The following FMN1 variants were observed in gnomAD, a reference collection of about 807,000 sequenced individuals.
FMN1 encodes formin 1.
FMN1 carries 110 observed loss-of-function variants against 132.4 expected under a neutral mutation model. The ratio of observed to expected loss-of-function variants is 0.83; its 90% CI spans 0.71 to 0.97. The LOEUF is 0.97. Ranked by LOEUF, FMN1 falls within the 50% of genes least tolerant of loss-of-function variation. FMN1 has a pLI of 0.00. For synonymous variants in FMN1, 722 were observed against 651.7 expected (o/e 1.11, Z -1.64); for missense variants, 1,792 against 1,705.3 (o/e 1.05, Z -0.90).
intron 17 of FMN1, among the ~76,000 whole-genome samples, chr15:32,835,785 A>G (rs1768683623): frequency 6.6e-6 from 1 of 152,222 alleles, no homozygotes; most frequent in South Asian, 2.1e-4. Context: ...TGAAGCTTGT[A>G]AAGTCATGAA....
At chr15:33,063,597 AC>A (rs1392066442) in intron 6 of FMN1, 3 of 152,194 alleles carry the variant, frequency 2.0e-5, no homozygotes, top group African/African-American at 7.2e-5. Flanking sequence ...GATTAGTACG[AC>A]CCTCATTGAT....
intron 4 of FMN1, among the ~76,000 whole-genome samples, chr15:33,128,143 A>T (rs537568677): frequency 4.6e-5 from 7 of 151,802 alleles, no homozygotes; most frequent in South Asian, 2.1e-4. Context: ...AGCAGTAGAG[A>T]GTGTAACAGA....
intron 9 of FMN1, among the ~76,000 whole-genome samples, chr15:32,933,321 C>T (rs994738814): frequency 2.6e-5 from 4 of 152,054 alleles, no homozygotes; most frequent in African/African-American, 7.2e-5. Flanking sequence ...AGTTTCATGC[C>T]ATTGTGGTCA....
intron 17 of FMN1, among the ~76,000 whole-genome samples, chr15:32,805,102 G>T (rs1204266230): frequency 6.6e-6 from 1 of 152,158 alleles, no homozygotes; most frequent in African/African-American, 2.4e-5. Context: ...TTCCACAATG[G>T]TTGAACTAAT....
chr15:32,833,555 TC>T (rs1185005704), intron 17 of FMN1, among the ~76,000 whole-genome samples: 1 of 152,148 alleles, frequency 6.6e-6, no homozygotes, highest in African/African-American at 2.4e-5. Flanking sequence ...GTCACTCAAG[TC>T]CCCGGCCCAA....
intron 7 of FMN1, among the ~76,000 whole-genome samples, chr15:32,981,543 A>AATAATAATAATTATT (rs574939662): frequency 1.0e-4 from 14 of 138,400 alleles, no homozygotes; most frequent in African/African-American, 3.5e-4. Flanking sequence ...TAATAATAAT[A>AATAATAATAATTATT]ATTATTATTA....
At chr15:33,113,881 G>A (rs2039809989) in intron 4 of FMN1, among the ~76,000 whole-genome samples, 1 of 152,180 alleles carries the variant, frequency 6.6e-6, no homozygotes, top group Non-Finnish European at 1.5e-5. Flanking sequence ...ACTGGAAACT[G>A]CTTCTACTGT....
At chr15:33,094,445 T>C (rs772542781) in intron 4 of FMN1, among the ~76,000 whole-genome samples, 3 of 152,196 alleles carry the variant, frequency 2.0e-5, no homozygotes, top group South Asian at 2.1e-4. Flanking sequence ...ATAAGGAGAA[T>C]AACAATAAAG....
At chr15:32,839,617 A>G (rs756989257) in intron 17 of FMN1, among the ~76,000 whole-genome samples, 1 of 152,088 alleles carries the variant, frequency 6.6e-6, no homozygotes, top group African/African-American at 2.4e-5. Flanking sequence ...TGGCTTCTTG[A>G]GACAAGAGAC....
At chr15:32,909,192 TCTGGAAGGTACTGCCTTTGA>T (rs2060499662) in intron 11 of FMN1, among the ~76,000 whole-genome samples, 1 of 152,214 alleles carries the variant, frequency 6.6e-6, no homozygotes, top group Non-Finnish European at 1.5e-5. Context: ...ACACAAAGCA[TCTGGAAGGTACTGCCTTTGA>T]CAAAGTTCTT....
chr15:33,067,694 T>C, intron 5 of FMN1: 1 of 1,613,990 alleles, frequency 6.2e-7, no homozygotes. Context: ...GGGATTCACG[T>C]CTAAACTATG....
At chr15:32,785,218 A>ATATTTTTTTTTTTT (rs1444523400) in intron 19 of FMN1, among the ~76,000 whole-genome samples, 18 of 39,194 alleles carry the variant, frequency 4.6e-4, no homozygotes, top group African/African-American at 6.0e-4. Flanking sequence ...ATATATATAT[A>ATATTTTTTTTTTTT]TTTTTTTTTT....
chr15:32,799,803 C>T (rs2057416904), intron 18 of FMN1, among the ~76,000 whole-genome samples: 1 of 152,190 alleles, frequency 6.6e-6, no homozygotes, highest in African/African-American at 2.4e-5. Flanking sequence ...GCTTTGAACT[C>T]AATCTTTCCC....
intron 14 of FMN1, 47 bp from the exon 15 acceptor site, chr15:32,898,940 G>C (rs1427451524): frequency 7.9e-6 from 10 of 1,272,840 alleles, no homozygotes; most frequent in Non-Finnish European, 1.1e-5. Flanking sequence ...CCATGAGACT[G>C]TCATGTTACA....
At chr15:32,872,391 G>C (rs185719861) in intron 16 of FMN1, among the ~76,000 whole-genome samples, 131 of 152,356 alleles carry the variant, frequency 8.6e-4, no homozygotes, top group Non-Finnish European at 3.8e-4. Context: ...AGCAAAGGCA[G>C]AGCAAAGTTG....
At position 32,994,232 on chromosome 15, in the gene FMN1, T is replaced by TCTCTCTCTCTCTCA. The variant is rs904998781; in HGVS notation, c.2223+13781_2223+13782insTGAGAGAGAGAGAG. On this transcript the variant is annotated intron_variant, in intron 7 of 20. Coordinates refer to ENST00000616417, the MANE Select transcript of FMN1 (RefSeq NM_001277313.2). ...TCATTCCTCTCTCTCTCTCTCTCTCTCACACACACACACACACAGACACAC... is the reference window on the plus strand; with the variant it reads ...TCATTCCTCTCTCTCTCTCTCTCTCTCTCTCTCTCTCTCACACACACACACACACACAGACACAC... Among the ~76,000 whole-genome samples, 164 of 37,252 alleles carry TCTCTCTCTCTCTCA rather than the reference T, an allele frequency of 4.4e-3. 1 individual carries two copies. Among genetic ancestry groups the TCTCTCTCTCTCTCA allele is most frequent in the South Asian group, 0.017 (15 of 882 alleles). The allele number at this position is 37,252 out of a possible 152,430, so 24.4% of individuals were successfully genotyped here.
At chr15:32,782,956 C>T (rs1167903312) in intron 19 of FMN1, among the ~76,000 whole-genome samples, 2 of 151,766 alleles carry the variant, frequency 1.3e-5, no homozygotes, top group Non-Finnish European at 2.9e-5. Context: ...ACAGTGGTTA[C>T]ACATGGACAT....
intron 4 of FMN1, among the ~76,000 whole-genome samples, chr15:33,099,495 CTT>C (rs140185318): frequency 0.018 from 2,694 of 152,206 alleles, 82 homozygotes; most frequent in African/African-American, 0.061. Context: ...CCAGTATAAT[CTT>C]TTGAGAGCTA....
chr15:33,127,274 C>T (rs1049870472), intron 4 of FMN1, among the ~76,000 whole-genome samples: 1 of 152,146 alleles, frequency 6.6e-6, no homozygotes, highest in African/African-American at 2.4e-5. Flanking sequence ...CCTTATTCTT[C>T]ACAACAAGAA....
Sources: gnomAD v4.1 joint callset for allele counts (sites outside exome capture counted in the v4.1 genomes callset) on GRCh38, gnomAD v4.1.1 for gene constraint, MANE v1.5 for transcripts, NCBI Gene and HGNC (gene_info 2026-07-23, HGNC 2026-07-21) for gene names.